Variants in IMPA2 observed in about 807,000 individuals in gnomAD.
IMPA2 encodes inositol monophosphatase 2.
IMPA2 carries 32 observed loss-of-function variants against 35.1 expected under a neutral mutation model. The ratio of observed to expected loss-of-function variants is 0.91; its 90% CI spans 0.69 to 1.23. The LOEUF (loss-of-function observed/expected upper bound fraction) is 1.23, where lower values mean the gene tolerates loss of function less well. IMPA2 is among the 50% of genes most tolerant of loss of function. The pLI is 0.00. For synonymous variants in IMPA2, 135 were observed against 160.6 expected, an observed-to-expected ratio of 0.84 and a Z score of 1.20; for missense variants, 334 against 387.6, an observed-to-expected ratio of 0.86 and a Z score of 1.16.
At chr18:12,024,487 A>AG (rs1194015219) in intron 5 of IMPA2, among the ~76,000 whole-genome samples, 2 of 152,150 alleles carry the variant, frequency 1.3e-5, no homozygotes, top group African/African-American at 4.8e-5. Context: ...CCATCTCAAA[A>AG]AAACACAAAA....
intron 1 of IMPA2, among the ~76,000 whole-genome samples, chr18:11,995,877 A>G (rs980691561): frequency 6.6e-6 from 1 of 152,174 alleles, no homozygotes; most frequent in African/African-American, 2.4e-5. Flanking sequence ...TCATTCTTTC[A>G]AAGAACTCTG....
intron 1 of IMPA2, among the ~76,000 whole-genome samples, chr18:11,998,198 A>AACAAG (rs1907013883): frequency 6.6e-6 from 1 of 152,180 alleles, no homozygotes; most frequent in African/African-American, 2.4e-5. Flanking sequence ...AACAAAACAA[A>AACAAG]AAGGAGAAGA....
rs573487171 is a variant in IMPA2, at chr18:11,991,489, G to A, written c.97-7565G>A. On this transcript the variant is annotated intron_variant, in intron 1 of 7. Transcript: ENST00000269159. The surrounding 1 kb of genome is among the most constrained non-coding windows in gnomAD (Gnocchi z 4.1). ...TGCCACATGACACCATGTGATAGGC[G>A]TGTTATTACCTGGGTACCCGATGAA... 9.2e-5 allele frequency among the ~76,000 whole-genome samples: 14 copies of A among 152,228 alleles called. No homozygotes were observed. The highest frequency in any genetic ancestry group is 6.2e-4 in the South Asian group (3 of 4,826).
intron 1 of IMPA2, among the ~76,000 whole-genome samples, chr18:11,995,410 C>T (rs190341059): frequency 4.6e-5 from 7 of 152,350 alleles, no homozygotes; most frequent in East Asian, 1.9e-4. Context: ...CACACGTATC[C>T]GCGTGGTGTG....
chr18:11,981,922 C>T (rs921021077), intron 1 of IMPA2, among the ~76,000 whole-genome samples, 157 bp downstream of exon 1: 3 of 152,050 alleles, frequency 2.0e-5, no homozygotes, highest in South Asian at 2.1e-4. Context: ...AGCCTTTGTG[C>T]TGGTGTCCTG....
chr18:12,018,465 T>C, intron 5 of IMPA2, among the ~76,000 whole-genome samples: 1 of 152,204 alleles, frequency 6.6e-6, no homozygotes, highest in Non-Finnish European at 1.5e-5. Flanking sequence ...GCCACCACTG[T>C]CCTGTGTGCT....
intron 5 of IMPA2, among the ~76,000 whole-genome samples, chr18:12,023,023 G>A (rs1417783369): frequency 1.5e-5 from 2 of 136,250 alleles, no homozygotes; most frequent in Non-Finnish European, 3.0e-5. Flanking sequence ...TCGAACTCCT[G>A]GCCTCAAATG....
At chr18:11,997,665 C>T (rs369293458) in intron 1 of IMPA2, among the ~76,000 whole-genome samples, 1 of 152,168 alleles carries the variant, frequency 6.6e-6, no homozygotes, top group African/African-American at 2.4e-5. Flanking sequence ...TCTGGCAGCA[C>T]AGGGCCTGGC....
In IMPA2 at chr18:12,000,037, T is replaced by A. The variant is rs1907073399; in HGVS notation, c.230+850T>A. 3.3e-5 allele frequency among the ~76,000 whole-genome samples: 5 copies of A among 152,224 alleles called. No homozygotes were observed. In the South Asian group the frequency reaches 1.0e-3, roughly 32 times the overall value. On this transcript the variant is annotated intron_variant, in intron 2 of 7. Coordinates refer to ENST00000269159, the MANE Select transcript of IMPA2 (RefSeq NM_014214.3). ...TTCTTAAAACTGGAATACCAGTTAT[T>A]GGATTTCTGGCTGTAGGGTATTATA...
chr18:12,007,482 G>A (rs760630963), intron 2 of IMPA2, among the ~76,000 whole-genome samples: 3 of 152,168 alleles, frequency 2.0e-5, no homozygotes, highest in African/African-American at 7.2e-5. Flanking sequence ...CACATGGTTC[G>A]TGCGGGGAAA....
chr18:11,995,817 C>T lies in IMPA2; in HGVS notation c.97-3237C>T, dbSNP rs77130762. Among the ~76,000 whole-genome samples, 685 of 152,260 alleles carry T rather than the reference C, an allele frequency of 4.5e-3. 4 individuals are homozygous for T. The highest frequency in any genetic ancestry group is 0.015 in the African/African-American group (629 of 41,540). On this transcript the variant is annotated intron_variant, in intron 1 of 7. Transcript: ENST00000269159. ...GCACTCACACAGACACTAGTGTTCC[C>T]GTTTGGAAAAATGTTACAGTCTATT...
intron 2 of IMPA2, among the ~76,000 whole-genome samples, chr18:12,009,352 C>T (rs1420198429): frequency 1.3e-5 from 2 of 151,944 alleles, no homozygotes; most frequent in Non-Finnish European, 2.9e-5. Flanking sequence ...GAACCAGCTG[C>T]GGGGGGGCTC....
chr18:12,027,158 C>T (rs1163137014), intron 5 of IMPA2, among the ~76,000 whole-genome samples: 2 of 152,178 alleles, frequency 1.3e-5, no homozygotes, highest in African/African-American at 4.8e-5. Context: ...ACTGTCCTGC[C>T]CGGGCAGTGA....
Position 11,981,574 on chromosome 18 carries a change from A to G in IMPA2, c.-96A>G. On this transcript the variant is annotated 5_prime_UTR_variant, in exon 1 of 8. Transcript: ENST00000269159. ...GGCACAGAGCTGCGGGAGCAGGCAC[A>G]GGGAGTGTGGAGCCTGGCGGCGGGA... is the stretch of plus-strand genomic sequence containing the variant. 1 of 773,008 alleles carries G rather than the reference A, an allele frequency of 1.3e-6. No individual in the cohort carries two copies. The highest frequency in any genetic ancestry group is 1.7e-6 in the Non-Finnish European group (1 of 571,512). 47.9% of individuals were successfully genotyped at this position (773,008 alleles called of 1,614,324 possible).
chr18:12,003,349 C>CA (rs1555645294), intron 2 of IMPA2, among the ~76,000 whole-genome samples: 1 of 151,826 alleles, frequency 6.6e-6, no homozygotes, highest in Non-Finnish European at 1.5e-5. Flanking sequence ...CGTAACATGA[C>CA]AAAAAGCAAA....
chr18:11,992,530 A>G (rs1906846492), intron 1 of IMPA2, among the ~76,000 whole-genome samples: 1 of 152,192 alleles, frequency 6.6e-6, no homozygotes, highest in Non-Finnish European at 1.5e-5. Context: ...ATGTCTCTGA[A>G]GCTGGTTGAT....
intron 7 of IMPA2, among the ~76,000 whole-genome samples, chr18:12,029,611 G>A (rs566834907): frequency 5.9e-5 from 9 of 151,432 alleles, no homozygotes; most frequent in Non-Finnish European, 1.3e-4. Flanking sequence ...AGTAGAGATG[G>A]GGTTTTGCCA....
rs1555645775 is a variant in IMPA2, at chr18:12,007,670, T to TCTTTCTTTC, written c.231-2187_231-2179dup. ...TTCTTTCTTTCTTTCTTTCTTTCTTTCTTTCTTTCCTTTCTTTCCTTTCTT... is the reference window on the plus strand; with the variant it reads ...TTCTTTCTTTCTTTCTTTCTTTCTTTCTTTCTTTCCTTTCTTTCCTTTCTTTCCTTTCTT... On this transcript the variant is annotated intron_variant, in intron 2 of 7. Coordinates refer to ENST00000269159, the MANE Select transcript of IMPA2 (RefSeq NM_014214.3). 1.8e-3 allele frequency among the ~76,000 whole-genome samples: 178 copies of TCTTTCTTTC among 97,972 alleles called. 1 individual carries two copies. Among genetic ancestry groups the TCTTTCTTTC allele is most frequent in the Middle Eastern group, 8.8e-3 (2 of 226 alleles). The allele number at this position is 97,972 out of a possible 152,430, so 64.3% of individuals were successfully genotyped here. A position where few individuals can be genotyped will look rare whatever the true frequency, so the allele number is the denominator to read the frequency against.
rs1906503269 is a variant in IMPA2 at position 11,981,702 on chromosome 18, G to A, written c.33G>A (p.Leu11=). The stretch of plus-strand genomic sequence containing the variant: ...CGAGCGGCGAGGACCAGGCGGCGCT[G>A]GCGGCCGGCCCCTGGGAGGAGTGCT... MKPSGEDQAA[L]AAGPWEECFQ... The change falls in exon 1 of 8, where the codon CTG becomes CTA. Residue 11 remains leucine (L), a synonymous_variant. Transcript: ENST00000269159. 1 of 1,230,908 alleles carries A rather than the reference G, an allele frequency of 8.1e-7. No individual in the cohort carries two copies. The highest frequency in any genetic ancestry group is 1.0e-6 in the Non-Finnish European group (1 of 987,116). The allele number at this position is 1,230,908 out of a possible 1,614,324, so 76.2% of individuals were successfully genotyped here.
Sources: allele counts gnomAD v4.1 joint callset (sites outside exome capture counted in the v4.1 genomes callset), GRCh38; gene constraint gnomAD v4.1.1; non-coding constraint Gnocchi (gnomAD v3.1); transcripts MANE v1.5; gene names NCBI Gene and HGNC (gene_info 2026-07-23, HGNC 2026-07-21).